MYORG: variants seen among roughly 807,000 people sequenced by gnomAD.
MYORG encodes alpha-galactosidase MYORG.
MYORG carries 45 observed loss-of-function variants against 49.8 expected under a neutral mutation model. The ratio of observed to expected loss-of-function variants is 0.90; its 90% CI spans 0.71 to 1.16. The LOEUF (loss-of-function observed/expected upper bound fraction) is 1.16, where lower values mean the gene tolerates loss of function less well. Ranked by LOEUF, MYORG falls within the 50% of genes most tolerant of loss-of-function variation. The probability of loss-of-function intolerance (pLI) is 0.00; values close to 1 mark genes in which losing one functional copy is unlikely to be tolerated. For synonymous variants in MYORG, 552 were observed against 462.9 expected, an observed-to-expected ratio of 1.19 and a Z score of -2.47; for missense variants, 1,110 against 1,026.5, an observed-to-expected ratio of 1.08 and a Z score of -1.11.
In MYORG at chr9:34,370,604, G is replaced by T; in HGVS notation, c.*195C>A. On this transcript the variant is annotated 3_prime_UTR_variant, in exon 2 of 2. Transcript: ENST00000297625. ...AGGGCACAGTAAGGATTGTGCGTTGGAGCAGGAGATTGCTTCAGTGCCCCC... is the reference window on the plus strand; with the variant it reads ...AGGGCACAGTAAGGATTGTGCGTTGTAGCAGGAGATTGCTTCAGTGCCCCC... 2.1e-6 allele frequency: 2 copies of T among 958,108 alleles called. No individual in the cohort carries two copies. The highest frequency in any genetic ancestry group is 3.0e-6 in the Non-Finnish European group (2 of 665,094). The allele number at this position is 958,108 out of a possible 1,614,324, so 59.4% of individuals were successfully genotyped here.
rs751652773 is a variant in MYORG, at chr9:34,372,165, G to A, written c.779C>T (p.Ala260Val). ...NSTERSLRLQ[A>V]RYHDTPYKPP... Reference sequence around the variant, plus strand: ...CTTGTAGGGCGTGTCGTGGTAGCGCGCCTGAAGCCGCAGCGAGCGCTCCGT... The same window carrying A: ...CTTGTAGGGCGTGTCGTGGTAGCGCACCTGAAGCCGCAGCGAGCGCTCCGT... Residue 260 changes from alanine to valine, a missense_variant, in exon 2 of 2, where the codon GCG becomes GTG. Coordinates refer to ENST00000297625, the MANE Select transcript of MYORG (RefSeq NM_020702.5). The A allele has an allele frequency of 6.2e-7, 1 of 1,610,726 alleles. No homozygotes were observed. Among genetic ancestry groups the A allele is most frequent in the Non-Finnish European group, 8.5e-7 (1 of 1,179,254 alleles).
At position 34,367,502 on chromosome 9, in the gene MYORG, G is replaced by A. The variant is rs1373712261; in HGVS notation, c.*3297C>T. 1.3e-5 allele frequency: 2 copies of A among 152,226 alleles called. No homozygotes were observed. Among genetic ancestry groups the A allele is most frequent in the African/African-American group, 4.8e-5 (2 of 41,450 alleles). The allele number at this position is 152,226 out of a possible 1,614,324, so 9.4% of individuals were successfully genotyped here. The stretch of plus-strand genomic sequence containing the variant: ...TTAGTTACTTCCTAGATACAACGGA[G>A]GTACAGGCATTGGCTAAATACACCC... On this transcript the variant is annotated 3_prime_UTR_variant, in exon 2 of 2. Coordinates refer to ENST00000297625, the MANE Select transcript of MYORG (RefSeq NM_020702.5).
chr9:34,374,253 G>A (rs893863389), intron 1 of MYORG, among the ~76,000 whole-genome samples: 2 of 152,088 alleles, frequency 1.3e-5, no homozygotes, highest in East Asian at 1.9e-4. Flanking sequence ...TTCTGATCAC[G>A]GCAACCATAG....
rs569560343 is a variant in MYORG at position 34,367,011 on chromosome 9, A to T, written c.*3788T>A. 6.5e-6 allele frequency: 1 copy of T among 152,914 alleles called. No homozygotes were observed. The highest frequency in any genetic ancestry group is 2.4e-5 in the African/African-American group (1 of 41,602). The allele number at this position is 152,914 out of a possible 1,614,324, so 9.5% of individuals were successfully genotyped here. ...CGAGACTGGGTAATTTATGAAGAAA[A>T]AGAGGTTTAATGAACTCACAGTTCC... On this transcript the variant is annotated 3_prime_UTR_variant, in exon 2 of 2. Transcript: ENST00000297625.
Position 34,372,517 on chromosome 9 carries a change from G to A in MYORG, c.427C>T (p.Leu143=). The A allele has an allele frequency of 6.2e-7, 1 of 1,601,012 alleles. No individual in the cohort carries two copies. The highest frequency in any genetic ancestry group is 8.5e-7 in the Non-Finnish European group (1 of 1,174,770). The change falls in exon 2 of 2, where the codon CTG becomes TTG. Residue 143 remains leucine, a synonymous_variant. Transcript: ENST00000297625. ...CGCACAGTCTGGATGAAGAAGTGCA[G>A]CGGCAGCCCGTCGGCCGTGAGCGAG... ...GCSLTADGLP[L]HFFIQTVRPK...
In MYORG at chr9:34,371,644, C is replaced by G. The variant is rs916933188; in HGVS notation, c.1300G>C (p.Asp434His). 1.2e-5 allele frequency: 20 copies of G among 1,606,098 alleles called. No individual in the cohort carries two copies. The highest frequency in any genetic ancestry group is 1.7e-5 in the Non-Finnish European group (20 of 1,177,186). Residue 434 changes from aspartate (D) to histidine (H), a missense_variant, in exon 2 of 2, where the codon GAC becomes CAC. Coordinates refer to ENST00000297625, the MANE Select transcript of MYORG (RefSeq NM_020702.5). ...RWWNGIGAVL[D>H]FTHPKARDWF... ...TCGCGGGCCTTTGGGTGCGTGAAGTCTAGCACCGCGCCGATGCCGTTCCAC... is the reference window on the plus strand; with the variant it reads ...TCGCGGGCCTTTGGGTGCGTGAAGTGTAGCACCGCGCCGATGCCGTTCCAC...
rs755192320 is a variant in MYORG at position 34,372,767 on chromosome 9, G to A, written c.177C>T (p.Gly59=). The change falls in exon 2 of 2, where the codon GGC becomes GGT. Residue 59 remains glycine (G), a synonymous_variant. Coordinates refer to ENST00000297625, the MANE Select transcript of MYORG (RefSeq NM_020702.5). ...KPSKDLKPLL[G]SAVLGLLLVL... ...CAAGCAGCAGCCCCAGAACCGCGGA[G>A]CCCAGCAGCGGCTTCAGGTCTTTGG... 3.7e-6 allele frequency: 6 copies of A among 1,613,960 alleles called. No individual in the cohort carries two copies. The Admixed American group carries it at 6.7e-5, about 18-fold the overall frequency.
rs1345250531 is a variant in MYORG, at chr9:34,372,185, C to T, written c.759G>A (p.Glu253=). Residue 253 remains glutamate (E), a synonymous_variant, in exon 2 of 2, where the codon GAG becomes GAA. Coordinates refer to ENST00000297625, the MANE Select transcript of MYORG (RefSeq NM_020702.5). ...VPFHLGWNST[E]RSLRLQARYH... Reference sequence around the variant, plus strand: ...AGCGCGCCTGAAGCCGCAGCGAGCGCTCCGTGCTGTTCCAGCCCAGGTGGA... The same window carrying T: ...AGCGCGCCTGAAGCCGCAGCGAGCGTTCCGTGCTGTTCCAGCCCAGGTGGA... 6.2e-7 allele frequency: 1 copy of T among 1,611,930 alleles called. No homozygotes were observed. Among genetic ancestry groups the T allele is most frequent in the Non-Finnish European group, 8.5e-7 (1 of 1,179,464 alleles).
rs753855673 is a variant in MYORG at position 34,371,473 on chromosome 9, T to G, written c.1471A>C (p.Thr491Pro). The change falls in exon 2 of 2, where the codon ACT becomes CCT. Residue 491 changes from threonine (T) to proline (P), a missense_variant. Transcript: ENST00000297625. ...PDPSVWSRRY[T>P]EMALPFFSLA... ...GAGAAGAAGGGCAGCGCCATCTCAGTGTAGCGCCGGCTCCAGACGCTGGGG... is the reference window on the plus strand; with the variant it reads ...GAGAAGAAGGGCAGCGCCATCTCAGGGTAGCGCCGGCTCCAGACGCTGGGG... 1.2e-5 allele frequency: 20 copies of G among 1,612,262 alleles called. No individual in the cohort carries two copies. Among genetic ancestry groups the G allele is most frequent in the Non-Finnish European group, 1.6e-5 (19 of 1,179,754 alleles).
Position 34,371,091 on chromosome 9 carries a change from A to G in MYORG, c.1853T>C (p.Leu618Pro). ...AALRASLVAP[L>P]LLELAGEVTD... ...GACCTCGCCCGCCAGCTCAAGCAAC[A>G]GCGGTGCCACAAGCGAGGCCCGCAG... Residue 618 changes from leucine (L) to proline (P), a missense_variant, in exon 2 of 2, where the codon CTG (leucine) becomes CCG (proline). Leu to Pro is a moderately conservative substitution (Grantham distance 98). Coordinates refer to ENST00000297625, the MANE Select transcript of MYORG (RefSeq NM_020702.5). The G allele has an allele frequency of 6.2e-7, 1 of 1,609,502 alleles. No homozygotes were observed. The highest frequency in any genetic ancestry group is 1.1e-5 in the South Asian group (1 of 90,994).
rs1411273473 is a variant in MYORG, at chr9:34,368,146, G to C, written c.*2653C>G. 6.6e-6 allele frequency: 1 copy of C among 152,280 alleles called. No individual in the cohort carries two copies. The highest frequency in any genetic ancestry group is 6.5e-5 in the Admixed American group (1 of 15,284). The allele number at this position is 152,280 out of a possible 1,614,324, so 9.4% of individuals were successfully genotyped here. A position where few individuals can be genotyped will look rare whatever the true frequency, so the allele number is the denominator to read the frequency against. On this transcript the variant is annotated 3_prime_UTR_variant, in exon 2 of 2. Coordinates refer to ENST00000297625, the MANE Select transcript of MYORG (RefSeq NM_020702.5). The stretch of plus-strand genomic sequence containing the variant: ...TAGCCATGACTAGAGCAGCTGGGAT[G>C]CATGGTACCAAGTCCCTGGGCTGCA...
chr9:34,372,618 T>C lies in MYORG; in HGVS notation c.326A>G (p.Gln109Arg), dbSNP rs61738936. 1.2e-5 allele frequency: 20 copies of C among 1,605,482 alleles called. No homozygotes were observed. The highest frequency in any genetic ancestry group is 1.4e-5 in the Non-Finnish European group (17 of 1,176,436). Residue 109 changes from glutamine to arginine, a missense_variant, in exon 2 of 2, where the codon CAG becomes CGG. Physicochemically the swap from Gln to Arg is conservative, Grantham distance 43. Transcript: ENST00000297625. ...GGAGCGGAAGGCCAGGCGGAAGACC[T>C]GCTCTCCCTTCTGATTGCGGATGGA... Reference protein sequence around the residue: ...GFSIRNQKGEQVFRLAFRSGA... With the variant: ...GFSIRNQKGERVFRLAFRSGA...
Position 34,371,894 on chromosome 9 carries a change from C to T in MYORG, c.1050G>A (p.Leu350=). The change falls in exon 2 of 2, where the codon CTG becomes CTA. Residue 350 remains leucine, a synonymous_variant. Coordinates refer to ENST00000297625, the MANE Select transcript of MYORG (RefSeq NM_020702.5). ...CAGGTGTGTACATGTCGTCGATTTC[C>T]AGGTGGCTGCTGTTGAAGTGGTGCA... ...IRLHHFNSSH[L]EIDDMYTPAY... is the part of the protein sequence containing the mutation. The T allele has an allele frequency of 6.2e-7, 1 of 1,614,052 alleles. No homozygotes were observed. Among genetic ancestry groups the T allele is most frequent in the East Asian group, 2.2e-5 (1 of 44,878 alleles).
At position 34,372,094 on chromosome 9, in the gene MYORG, A is replaced by G. The variant is rs1202433890; in HGVS notation, c.850T>C (p.Cys284Arg). The G allele has an allele frequency of 6.2e-7, 1 of 1,613,204 alleles. No homozygotes were observed. The highest frequency in any genetic ancestry group is 8.5e-7 in the Non-Finnish European group (1 of 1,179,842). ...AAAPELSYRV[C>R]VGSDVTSIHK... Reference sequence around the variant, plus strand: ...ATGGAGGTGACGTCTGAGCCCACGCACACTCGGTAGCTCAGCTCTGGCGCT... The same window carrying G: ...ATGGAGGTGACGTCTGAGCCCACGCGCACTCGGTAGCTCAGCTCTGGCGCT... The change falls in exon 2 of 2, where the codon TGC (cysteine) becomes CGC (arginine). Residue 284 changes from cysteine (C) to arginine (R), a missense_variant. Cys to Arg is a radical substitution (Grantham distance 180). Transcript: ENST00000297625.
In MYORG at chr9:34,371,390, C is replaced by T. The variant is rs780004026; in HGVS notation, c.1554G>A (p.Leu518=). 32 of 1,613,188 alleles carry T rather than the reference C, an allele frequency of 2.0e-5. No individual in the cohort carries two copies. Among genetic ancestry groups the T allele is most frequent in the Non-Finnish European group, 2.7e-5 (32 of 1,179,788 alleles). The change falls in exon 2 of 2, where the codon CTG becomes CTA. Residue 518 remains leucine (L), a synonymous_variant. Transcript: ENST00000297625. ...QSQNISCFFR[L]VDRDSVWGYD... ...AGCCCCACACAGAGTCGCGATCCAC[C>T]AGGCGGAAGAAGCAGGAGATGTTCT...
chr9:34,372,482 G>A lies in MYORG; in HGVS notation c.462C>T (p.Asp154=), dbSNP rs776838756. 5.0e-6 allele frequency: 8 copies of A among 1,597,720 alleles called. No individual in the cohort carries two copies. In the Admixed American group the frequency reaches 1.0e-4, roughly 21 times the overall value. The change falls in exon 2 of 2, where the codon GAC becomes GAT. Residue 154 remains aspartate, a synonymous_variant. Coordinates refer to ENST00000297625, the MANE Select transcript of MYORG (RefSeq NM_020702.5). ...HFFIQTVRPK[D]TVMCYRVRWE... Reference sequence around the variant, plus strand: ...AGCGCACGCGGTAGCACATGACCGTGTCCTTGGGCCGCACAGTCTGGATGA... The same window carrying A: ...AGCGCACGCGGTAGCACATGACCGTATCCTTGGGCCGCACAGTCTGGATGA...
intron 1 of MYORG, 133 bp from the exon 2 acceptor site, chr9:34,373,139 G>A: frequency 3.1e-6 from 2 of 655,284 alleles, no homozygotes; most frequent in South Asian, 4.0e-5. Flanking sequence ...GAGTGGCAAA[G>A]GTGAGACCCT....
chr9:34,371,947 C>T lies in MYORG; in HGVS notation c.997G>A (p.Val333Met). 6.2e-7 allele frequency: 1 copy of T among 1,614,042 alleles called. No homozygotes were observed. The highest frequency in any genetic ancestry group is 8.5e-7 in the Non-Finnish European group (1 of 1,179,886). Residue 333 changes from valine (V) to methionine (M), a missense_variant, in exon 2 of 2, where the codon GTG (valine) becomes ATG (methionine). By Grantham distance (21) the Val-to-Met change is conservative (BLOSUM62 1). Coordinates refer to ENST00000297625, the MANE Select transcript of MYORG (RefSeq NM_020702.5). Reference sequence around the variant, plus strand: ...CGGATCTGTTGGGCAAAACGCAGCACCTTGTCCTGGTCCACGGCGCGCCCG... The same window carrying T: ...CGGATCTGTTGGGCAAAACGCAGCATCTTGTCCTGGTCCACGGCGCGCCCG... ...LYGRAVDQDK[V>M]LRFAQQIRLH... is the part of the protein sequence containing the mutation.
chr9:34,373,038 T>A, intron 1 of MYORG, 32 bp from the exon 2 acceptor site: 1 of 1,405,236 alleles, frequency 7.1e-7, no homozygotes, highest in South Asian at 1.3e-5. Context: ...GGAACTGAGC[T>A]ATCTCATCCC....
Sources: gnomAD v4.1 joint callset for allele counts (sites outside exome capture counted in the v4.1 genomes callset) on GRCh38, gnomAD v4.1.1 for gene constraint, MANE v1.5 for transcripts, NCBI Gene and HGNC (gene_info 2026-07-23, HGNC 2026-07-21) for gene names.